The following UVRAG variants were observed in gnomAD, a reference collection of about 807,000 sequenced individuals.
UVRAG encodes the protein UV radiation resistance-associated gene protein.
UVRAG carries 19 observed loss-of-function variants against 78.0 expected under a neutral mutation model. The ratio of observed to expected loss-of-function variants is 0.24; its 90% CI spans 0.17 to 0.36. The LOEUF is 0.36. UVRAG is among the 10% of genes least tolerant of loss of function. The pLI, the probability that UVRAG is intolerant of heterozygous loss-of-function variation, is 1.00. For synonymous variants in UVRAG, 323 were observed against 324.6 expected, an observed-to-expected ratio of 1.00 and a Z score of 0.05; for missense variants, 740 against 853.8, an observed-to-expected ratio of 0.87 and a Z score of 1.66.
intron 12 of UVRAG, among the ~76,000 whole-genome samples, chr11:76,049,971 A>T (rs1266696857): frequency 6.6e-6 from 1 of 152,220 alleles, no homozygotes; most frequent in Non-Finnish European, 1.5e-5. Flanking sequence ...CACTAAATTA[A>T]TAGTGCCTGC....
intron 12 of UVRAG, among the ~76,000 whole-genome samples, chr11:76,019,933 G>A (rs998785848): frequency 1.3e-5 from 2 of 152,022 alleles, no homozygotes; most frequent in South Asian, 2.1e-4. Context: ...AGTTTCCCCC[G>A]GCCCCTGAGC....
At chr11:75,902,834 C>A (rs1455349435) in intron 5 of UVRAG, among the ~76,000 whole-genome samples, 1 of 152,168 alleles carries the variant, frequency 6.6e-6, no homozygotes, top group African/African-American at 2.4e-5. Context: ...GCAGTAGTTT[C>A]CTGGCGGACC....
intron 8 of UVRAG, among the ~76,000 whole-genome samples, chr11:75,993,851 C>T (rs189646714): frequency 1.8e-4 from 28 of 152,062 alleles, no homozygotes; most frequent in Admixed American, 1.1e-3. Context: ...AGGAAGCTTT[C>T]GGTCATGGTG....
At chr11:76,036,802 T>C (rs932066626) in intron 12 of UVRAG, among the ~76,000 whole-genome samples, 3 of 150,640 alleles carry the variant, frequency 2.0e-5, no homozygotes, top group African/African-American at 7.3e-5. Flanking sequence ...GATTGAAAAC[T>C]CATAAGAACA....
intron 13 of UVRAG, among the ~76,000 whole-genome samples, chr11:76,091,847 T>A (rs944381997): frequency 2.3e-4 from 35 of 152,090 alleles, no homozygotes; most frequent in Non-Finnish European, 3.8e-4. Flanking sequence ...GTTTTTTTTT[T>A]ATTATTCTTT....
At chr11:75,824,830 C>T (rs531498358) in intron 1 of UVRAG, among the ~76,000 whole-genome samples, 33 of 151,904 alleles carry the variant, frequency 2.2e-4, no homozygotes, top group African/African-American at 7.0e-4. Context: ...CCTGCCACCA[C>T]GCCCGGCTAA....
intron 13 of UVRAG, among the ~76,000 whole-genome samples, chr11:76,093,050 G>T (rs56253944): frequency 2.0e-5 from 3 of 151,968 alleles, no homozygotes; most frequent in Non-Finnish European, 4.4e-5. Context: ...AGCTTTCTAC[G>T]TATGGCTAGC....
rs776444248 is a variant in UVRAG, at chr11:76,016,921, G to A, written c.1167G>A (p.Lys389=). 3.4e-5 allele frequency: 54 copies of A among 1,611,312 alleles called. 1 individual carries two copies. Among genetic ancestry groups the A allele is most frequent in the South Asian group, 2.9e-4 (26 of 90,752 alleles). The change falls in exon 12 of 15, where the codon AAG becomes AAA. Residue 389 remains lysine (K), a synonymous_variant. Coordinates refer to ENST00000356136, the MANE Select transcript of UVRAG (RefSeq NM_003369.4). ...QVPLRYPIIH[K]GSRSTIKDNI... is the part of the protein sequence containing the mutation. ...CCCTCAGATATCCTATAATTCATAA[G>A]GGGTCTAGATCAACAATCAAAGACA...
At chr11:76,075,296 C>G (rs1313906513) in intron 13 of UVRAG, among the ~76,000 whole-genome samples, 1 of 152,064 alleles carries the variant, frequency 6.6e-6, no homozygotes, top group Non-Finnish European at 1.5e-5. Context: ...TTTCACATAA[C>G]ATACAATTAA....
chr11:75,905,667 CACAG>C (rs1297142534), intron 5 of UVRAG, among the ~76,000 whole-genome samples: 2 of 152,104 alleles, frequency 1.3e-5, no homozygotes, highest in Non-Finnish European at 2.9e-5. Context: ...TGTGTACACA[CACAG>C]AGACACACAC....
chr11:76,087,867 T>TTTTTG lies in UVRAG; in HGVS notation c.1305+22099_1305+22103dup, dbSNP rs568849507. On this transcript the variant is annotated intron_variant, in intron 13 of 14. Coordinates refer to ENST00000356136, the MANE Select transcript of UVRAG (RefSeq NM_003369.4). ...TTTGTAAGCGTTTAGTTGTTTTGGT[T>TTTTTG]TTTTGTTTTGTTTTGTTTTGTTTTT... 1.8e-4 allele frequency among the ~76,000 whole-genome samples: 28 copies of TTTTTG among 152,224 alleles called. No individual in the cohort carries two copies. The South Asian group carries it at 4.0e-3, about 21-fold the overall frequency.
At chr11:75,920,990 G>A (rs192917308) in intron 6 of UVRAG, among the ~76,000 whole-genome samples, 149 of 152,206 alleles carry the variant, frequency 9.8e-4, no homozygotes, top group African/African-American at 3.4e-3. Context: ...TCTGGCTCTG[G>A]TTTTTAATGC....
chr11:75,883,109 T>C (rs1946988218), intron 4 of UVRAG, among the ~76,000 whole-genome samples: 1 of 152,168 alleles, frequency 6.6e-6, no homozygotes, highest in South Asian at 2.1e-4. Context: ...TGATATTAAG[T>C]ACTTGTTTCT....
intron 12 of UVRAG, among the ~76,000 whole-genome samples, chr11:76,045,862 A>G (rs1950743471): frequency 1.3e-5 from 2 of 152,186 alleles, no homozygotes; most frequent in South Asian, 4.1e-4. Context: ...ATAATGCAAG[A>G]AAATTCTAAT....
At chr11:75,994,317 C>A (rs1321974041) in intron 8 of UVRAG, among the ~76,000 whole-genome samples, 1 of 152,174 alleles carries the variant, frequency 6.6e-6, no homozygotes, top group Non-Finnish European at 1.5e-5. Flanking sequence ...CTTAAAGCAT[C>A]TCTGAAAGCT....
intron 2 of UVRAG, among the ~76,000 whole-genome samples, chr11:75,855,848 G>A: frequency 6.6e-6 from 1 of 152,062 alleles, no homozygotes; most frequent in East Asian, 1.9e-4. Context: ...TTTGACTTTT[G>A]ACATTCTTGT....
At chr11:76,116,083 T>G in intron 14 of UVRAG, 68 bp downstream of exon 14, 1 of 1,451,902 alleles carries the variant, frequency 6.9e-7, no homozygotes, top group South Asian at 1.2e-5. Flanking sequence ...CTTTTCTGAC[T>G]TCCACATTGC....
At chr11:75,935,710 C>A (rs1011880857) in intron 6 of UVRAG, among the ~76,000 whole-genome samples, 4 of 151,872 alleles carry the variant, frequency 2.6e-5, no homozygotes, top group African/African-American at 9.7e-5. Flanking sequence ...AAGAGCTTTC[C>A]CCCTGCTAAC....
chr11:75,875,182 G>C (rs749643775), intron 3 of UVRAG, among the ~76,000 whole-genome samples: 17 of 152,152 alleles, frequency 1.1e-4, no homozygotes, highest in Non-Finnish European at 2.1e-4. Flanking sequence ...CCCTTCTTTA[G>C]ATTTACTCTT....
Sources: allele counts gnomAD v4.1 joint callset (sites outside exome capture counted in the v4.1 genomes callset), GRCh38; gene constraint gnomAD v4.1.1; transcripts MANE v1.5; gene names NCBI Gene and HGNC (gene_info 2026-07-23, HGNC 2026-07-21).